Variants in DYNC1I1 observed in about 807,000 individuals in gnomAD.
DYNC1I1 encodes dynein cytoplasmic 1 intermediate chain 1, also known as cytoplasmic dynein 1 intermediate chain 1.
Under a neutral mutation model 86.6 loss-of-function variants are expected in DYNC1I1, and 43 were observed. That is an observed-to-expected ratio of 0.50 (90% confidence interval 0.39 to 0.64). DYNC1I1 has a LOEUF of 0.64. DYNC1I1 is among the 30% of genes least tolerant of loss of function. DYNC1I1 has a pLI of 0.00. For missense variants in DYNC1I1, 604 were observed against 788.8 expected, an observed-to-expected ratio of 0.77 and a Z score of 2.81; for synonymous variants, 262 against 283.7, an observed-to-expected ratio of 0.92 and a Z score of 0.77.
intron 14 of DYNC1I1, among the ~76,000 whole-genome samples, chr7:96,058,819 T>TTC (rs1253289322): frequency 3.4e-5 from 5 of 149,242 alleles, no homozygotes. Context: ...TTTTTTTTTT[T>TTC]TTTTGGTGGA....
At chr7:95,936,888 A>AT (rs1259000008) in intron 6 of DYNC1I1, among the ~76,000 whole-genome samples, 4 of 150,934 alleles carry the variant, frequency 2.7e-5, no homozygotes, top group Non-Finnish European at 3.0e-5. Flanking sequence ...TCATTGTAGC[A>AT]TTATTCACAA....
intron 1 of DYNC1I1, among the ~76,000 whole-genome samples, chr7:95,787,448 T>C (rs923567746): frequency 5.3e-5 from 8 of 152,070 alleles, no homozygotes; most frequent in African/African-American, 2.4e-5. Flanking sequence ...ATATGGCAAT[T>C]GAGGGCACCA....
In DYNC1I1 at chr7:96,097,514, G is replaced by T; in HGVS notation, c.1808G>T (p.Arg603Leu). The change falls in exon 17 of 17, where the codon CGA becomes CTA. Residue 603 changes from arginine to leucine, a missense_variant. By Grantham distance (102) the Arg-to-Leu change is moderately radical (BLOSUM62 -2). Coordinates refer to ENST00000447467, the MANE Select transcript of DYNC1I1 (RefSeq NM_001135556.2). ...GTTCCCCACAATGATGAATGGACCCGATTTGCCAGGACCCTTGTGGAAATT... is the reference window on the plus strand; with the variant it reads ...GTTCCCCACAATGATGAATGGACCCTATTTGCCAGGACCCTTGTGGAAATT... The part of the protein sequence containing the change: ...LAVPHNDEWT[R>L]FARTLVEIRA... The T allele has an allele frequency of 6.2e-7, 1 of 1,613,748 alleles. No individual in the cohort carries two copies. The highest frequency in any genetic ancestry group is 8.5e-7 in the Non-Finnish European group (1 of 1,179,756).
intron 7 of DYNC1I1, among the ~76,000 whole-genome samples, chr7:95,984,475 T>C (rs546891535): frequency 5.1e-4 from 78 of 152,268 alleles, no homozygotes; most frequent in Non-Finnish European, 9.6e-4. Flanking sequence ...GTTTTGTGAA[T>C]TTATCTATTA....
chr7:95,944,718 T>C (rs1301477408), intron 6 of DYNC1I1, among the ~76,000 whole-genome samples: 1 of 152,096 alleles, frequency 6.6e-6, no homozygotes, highest in Non-Finnish European at 1.5e-5. Flanking sequence ...TTCATGTCCT[T>C]TGGTGGGACA....
chr7:96,100,360 C>T (rs1001401840), downstream of DYNC1I1, among the ~76,000 whole-genome samples: 1 of 137,110 alleles, frequency 7.3e-6, no homozygotes, highest in Non-Finnish European at 1.5e-5. Context: ...CCTTCCTTTC[C>T]TTCCTTCCTT....
chr7:95,988,436 G>A (rs1386384412), intron 9 of DYNC1I1, among the ~76,000 whole-genome samples: 1 of 152,148 alleles, frequency 6.6e-6, no homozygotes, highest in Non-Finnish European at 1.5e-5. Context: ...AGAAGTCTAA[G>A]CCCATCAGTG....
intron 1 of DYNC1I1, among the ~76,000 whole-genome samples, chr7:95,784,625 T>C (rs1486147929): frequency 6.6e-6 from 1 of 152,232 alleles, no homozygotes; most frequent in Non-Finnish European, 1.5e-5. Context: ...GACACTTACC[T>C]GCTGTAGCCC....
intron 15 of DYNC1I1, 44 bp downstream of exon 15, chr7:96,076,241 GGC>G: frequency 6.2e-7 from 1 of 1,604,708 alleles, no homozygotes; most frequent in Non-Finnish European, 8.5e-7. Context: ...CTGGGAGGGG[GGC>G]GCAGTCGGCC....
chr7:95,850,522 G>T (rs1789549336), intron 5 of DYNC1I1, among the ~76,000 whole-genome samples: 1 of 152,154 alleles, frequency 6.6e-6, no homozygotes, highest in Non-Finnish European at 1.5e-5. Context: ...TATGTTTCAA[G>T]ACTGTCAGTG....
intron 6 of DYNC1I1, among the ~76,000 whole-genome samples, chr7:95,905,153 A>G (rs942636730): frequency 6.6e-6 from 1 of 152,192 alleles, no homozygotes; most frequent in Non-Finnish European, 1.5e-5. Context: ...ACCTGTTGGA[A>G]TGCCAATTGG....
chr7:95,792,340 G>A (rs1584227056), intron 1 of DYNC1I1, among the ~76,000 whole-genome samples: 2 of 152,156 alleles, frequency 1.3e-5, no homozygotes, highest in East Asian at 3.9e-4. Flanking sequence ...TAAGCTGAAG[G>A]AACTTGAGAA....
chr7:95,884,590 T>A (rs1321195033), intron 6 of DYNC1I1, among the ~76,000 whole-genome samples: 2 of 151,888 alleles, frequency 1.3e-5, no homozygotes, highest in Non-Finnish European at 2.9e-5. Flanking sequence ...AGGAAGTCAA[T>A]GAAATGAACT....
intron 6 of DYNC1I1, among the ~76,000 whole-genome samples, chr7:95,915,180 A>C (rs1444100220): frequency 6.6e-6 from 1 of 152,244 alleles, no homozygotes. Flanking sequence ...AAGACAGCCA[A>C]GGAGGACAAA....
rs1562899885 is a variant in DYNC1I1, at chr7:95,804,812, A to T, written c.83A>T (p.Lys28Met). The change falls in exon 2 of 17, where the codon AAG (lysine) becomes ATG (methionine). Residue 28 changes from lysine (K) to methionine (M), a missense_variant. Physicochemically the swap from Lys to Met is moderately conservative, Grantham distance 95. Coordinates refer to ENST00000447467, the MANE Select transcript of DYNC1I1 (RefSeq NM_001135556.2). ...CAGATAAGAGAAGAGAAGAAACGGA[A>T]GGAAGAGGAGAGGAAAAAGAAAGAG... ...LAQIREEKKR[K>M]EEERKKKEAD... 6.4e-7 allele frequency: 1 copy of T among 1,569,618 alleles called. No individual in the cohort carries two copies. The highest frequency in any genetic ancestry group is 1.2e-5 in the South Asian group (1 of 85,874).
intron 4 of DYNC1I1, chr7:95,818,494 T>TTTTTGG: frequency 1.8e-6 from 1 of 545,022 alleles, no homozygotes; most frequent in Non-Finnish European, 3.2e-6. Flanking sequence ...TTTTTTTTTT[T>TTTTTGG]GTAGAGACGA....
At chr7:95,776,563 T>C (rs533705766) in intron 1 of DYNC1I1, among the ~76,000 whole-genome samples, 1 of 152,310 alleles carries the variant, frequency 6.6e-6, no homozygotes, top group East Asian at 1.9e-4. Flanking sequence ...GAAGAATCAC[T>C]GGTTTACATA....
intron 10 of DYNC1I1, among the ~76,000 whole-genome samples, chr7:96,021,153 G>C (rs937343785): frequency 6.6e-6 from 1 of 152,108 alleles, no homozygotes; most frequent in African/African-American, 2.4e-5. Flanking sequence ...ACTTGAAAAT[G>C]GTTAAGATGA....
chr7:96,045,485 A>G (rs1405561803), intron 14 of DYNC1I1, among the ~76,000 whole-genome samples: 1 of 152,210 alleles, frequency 6.6e-6, no homozygotes, highest in African/African-American at 2.4e-5. Context: ...AGGAGACATC[A>G]AAAGAGGTAG....
Sources: gnomAD v4.1 joint callset for allele counts (sites outside exome capture counted in the v4.1 genomes callset) on GRCh38, gnomAD v4.1.1 for gene constraint, MANE v1.5 for transcripts, NCBI Gene and HGNC (gene_info 2026-07-23, HGNC 2026-07-21) for gene names.